Variants in FRMD4A observed in about 807,000 individuals in gnomAD.
FRMD4A encodes the protein FERM domain containing 4A, also known as FERM domain-containing protein 4A.
In FRMD4A, 29 loss-of-function variants were observed where a neutral mutation model predicts 129.1. The ratio of observed to expected loss-of-function variants is 0.22; its 90% confidence interval spans 0.17 to 0.31. The LOEUF (loss-of-function observed/expected upper bound fraction) is 0.31, where lower values mean the gene tolerates loss of function less well. FRMD4A is among the 10% of genes least tolerant of loss of function. The probability of loss-of-function intolerance (pLI) is 1.00; values close to 1 mark genes in which losing one functional copy is unlikely to be tolerated. For synonymous variants in FRMD4A, 634 were observed against 571.6 expected, an observed-to-expected ratio of 1.11 and a Z score of -1.56; for missense variants, 1,272 against 1,375.8, an observed-to-expected ratio of 0.92 and a Z score of 1.19.
At chr10:14,262,907 T>C (rs970480763) in intron 2 of FRMD4A, among the ~76,000 whole-genome samples, 16 of 152,180 alleles carry the variant, frequency 1.1e-4, no homozygotes, top group African/African-American at 3.6e-4. Flanking sequence ...ATAGTTCTCC[T>C]ACTCGCCAGG....
intron 2 of FRMD4A, among the ~76,000 whole-genome samples, chr10:14,015,627 C>T (rs1048035723): frequency 1.3e-5 from 2 of 152,140 alleles, no homozygotes; most frequent in African/African-American, 4.8e-5. Context: ...TGACACTGCC[C>T]ATGCTCTTCT....
At chr10:13,891,997 G>A (rs1324263585) in intron 2 of FRMD4A, among the ~76,000 whole-genome samples, 3 of 150,182 alleles carry the variant, frequency 2.0e-5, no homozygotes, top group South Asian at 4.3e-4. Context: ...ACCGCCCGCC[G>A]CCCGATCCTG....
At chr10:14,226,528 C>G (rs574950034) in intron 2 of FRMD4A, among the ~76,000 whole-genome samples, 1 of 152,096 alleles carries the variant, frequency 6.6e-6, no homozygotes, top group Non-Finnish European at 1.5e-5. Context: ...TGGTTCCTTC[C>G]GGGCGCCATA....
intron 2 of FRMD4A, among the ~76,000 whole-genome samples, chr10:13,983,178 C>G (rs1395017091): frequency 6.6e-6 from 1 of 152,058 alleles, no homozygotes; most frequent in East Asian, 1.9e-4. Context: ...CCAGGCTGGT[C>G]GCCAATTTCT....
At chr10:13,749,230 C>T (rs754757225) in intron 8 of FRMD4A, among the ~76,000 whole-genome samples, 1 of 152,166 alleles carries the variant, frequency 6.6e-6, no homozygotes, top group African/African-American at 2.4e-5. Context: ...GCCTTTGATT[C>T]GCAGTTCTGA....
intron 2 of FRMD4A, among the ~76,000 whole-genome samples, chr10:14,302,317 C>T (rs1449761719): frequency 6.6e-6 from 1 of 152,100 alleles, no homozygotes; most frequent in Non-Finnish European, 1.5e-5. Flanking sequence ...TCAAGCAGAG[C>T]CAAGCTGGAC....
chr10:14,184,876 A>G (rs1443578428), intron 2 of FRMD4A, among the ~76,000 whole-genome samples: 1 of 152,198 alleles, frequency 6.6e-6, no homozygotes, highest in Non-Finnish European at 1.5e-5. Flanking sequence ...GCCTGCCCGG[A>G]TACAACTGCG....
chr10:14,142,862 A>C (rs1304180898), intron 2 of FRMD4A, among the ~76,000 whole-genome samples: 13 of 152,232 alleles, frequency 8.5e-5, no homozygotes, highest in African/African-American at 2.4e-5. Flanking sequence ...TTCTCCAAAG[A>C]AGAAATATGA....
chr10:13,680,819 G>A (rs181599528), intron 15 of FRMD4A, among the ~76,000 whole-genome samples: 1 of 152,096 alleles, frequency 6.6e-6, no homozygotes, highest in African/African-American at 2.4e-5. Context: ...GGCTGAGGTG[G>A]GAGGACTGCT....
chr10:13,838,252 A>AT (rs905362746), intron 3 of FRMD4A, among the ~76,000 whole-genome samples: 5,018 of 125,938 alleles, frequency 0.04, 125 homozygotes, highest in African/African-American at 0.055. Flanking sequence ...TGCAGAGCTA[A>AT]TTTTTTTTTT....
intron 3 of FRMD4A, among the ~76,000 whole-genome samples, chr10:13,819,404 C>T (rs1173996194): frequency 6.6e-6 from 1 of 152,192 alleles, no homozygotes; most frequent in Non-Finnish European, 1.5e-5. Flanking sequence ...AGCCCACTTC[C>T]TCCATGAAGC....
At chr10:14,044,968 A>G (rs7099624) in intron 2 of FRMD4A, among the ~76,000 whole-genome samples, 55,620 of 151,864 alleles carry the variant, frequency 0.37, 10,346 homozygotes, top group East Asian at 0.56. Context: ...CCAGGCTGGA[A>G]TGCTGTGGTG....
intron 2 of FRMD4A, among the ~76,000 whole-genome samples, chr10:14,090,928 C>G (rs1836624289): frequency 6.6e-6 from 1 of 152,182 alleles, no homozygotes; most frequent in Non-Finnish European, 1.5e-5. Context: ...CCTGCCTCAG[C>G]CTCCTGAGTA....
intron 3 of FRMD4A, among the ~76,000 whole-genome samples, chr10:13,813,070 C>T (rs1344168315): frequency 1.3e-5 from 2 of 152,244 alleles, no homozygotes; most frequent in Admixed American, 6.5e-5. Flanking sequence ...TAGCTCCACC[C>T]CCAGGAAGTA....
In FRMD4A at chr10:13,656,699, G is replaced by A; in HGVS notation, c.2890C>T (p.Gln964Ter). Residue 964 changes from glutamine (Q) to a stop codon, truncating the protein, a stop_gained, in exon 22 of 25, where the codon CAG (glutamine) becomes TAG (stop). Coordinates refer to ENST00000357447, the MANE Select transcript of FRMD4A (RefSeq NM_018027.5). LOFTEE classifies it high-confidence loss of function. ...DSGSQYSTSSQSTFVAHSRVT... is the reference protein window; with the variant it reads ...DSGSQYSTSS ...CTGCTGTGCGCCACGAAGGTGCTCT[G>A]GGAGGAGGTGCTGTACTGCGAGCCG... 1 of 1,574,780 alleles carries A rather than the reference G, an allele frequency of 6.4e-7. No homozygotes were observed. The highest frequency in any genetic ancestry group is 8.6e-7 in the Non-Finnish European group (1 of 1,161,076).
In FRMD4A at chr10:13,841,839, T is replaced by A. The variant is rs1396965380; in HGVS notation, c.111+17008A>T. On this transcript the variant is annotated intron_variant, in intron 3 of 24. Transcript: ENST00000357447. ...AGGAGGTCACAGGAACCCTCATATT[T>A]GCAGCCAGTTGATCAAAGTAAAGGT... Among the ~76,000 whole-genome samples, 3 of 152,176 alleles carry A rather than the reference T, an allele frequency of 2.0e-5. No homozygotes were observed. The East Asian group carries it at 5.8e-4, about 29-fold the overall frequency.
intron 2 of FRMD4A, among the ~76,000 whole-genome samples, chr10:14,128,792 C>T (rs1167012326): frequency 6.6e-6 from 1 of 152,214 alleles, no homozygotes; most frequent in Admixed American, 6.5e-5. Flanking sequence ...CTGTCAGACC[C>T]GACACCACTT....
chr10:14,038,312 G>A (rs1203915988), intron 2 of FRMD4A, among the ~76,000 whole-genome samples: 1 of 152,120 alleles, frequency 6.6e-6, no homozygotes, highest in Non-Finnish European at 1.5e-5. Context: ...GACAAAGCGA[G>A]ACTCCGTCTC....
intron 6 of FRMD4A, among the ~76,000 whole-genome samples, chr10:13,780,474 C>G (rs883837): frequency 0.06 from 9,099 of 152,172 alleles, 931 homozygotes; most frequent in African/African-American, 0.21. Context: ...GCTTATGGAG[C>G]AATTGGATAC....
Sources: gnomAD v4.1 joint callset for allele counts (sites outside exome capture counted in the v4.1 genomes callset) on GRCh38, gnomAD v4.1.1 for gene constraint, MANE v1.5 for transcripts, NCBI Gene and HGNC (gene_info 2026-07-23, HGNC 2026-07-21) for gene names.